Variants in PRDM16 observed in about 807,000 individuals in gnomAD.
The protein encoded by PRDM16 is histone-lysine N-methyltransferase PRDM16.
PRDM16 carries 23 observed loss-of-function variants against 110.6 expected under a neutral mutation model. The observed-to-expected ratio is 0.21, with a 90% CI of 0.15 to 0.29. The LOEUF (loss-of-function observed/expected upper bound fraction) is 0.29. Ranked by LOEUF, PRDM16 falls within the 10% of genes least tolerant of loss-of-function variation. The pLI is 1.00. For synonymous variants in PRDM16, 799 were observed against 781.8 expected, an observed-to-expected ratio of 1.02 and a Z score of -0.37; for missense variants, 1,615 against 1,794.3, an observed-to-expected ratio of 0.90 and a Z score of 1.81.
intron 3 of PRDM16, among the ~76,000 whole-genome samples, chr1:3,329,245 C>T (rs564237017): frequency 9.8e-5 from 15 of 152,312 alleles, no homozygotes; most frequent in Admixed American, 2.0e-4. Flanking sequence ...TTCGTGGTGG[C>T]GTTCCAGATG....
At chr1:3,132,178 A>G (rs35360783) in intron 1 of PRDM16, among the ~76,000 whole-genome samples, 29,924 of 152,030 alleles carry the variant, frequency 0.2, 3,117 homozygotes, top group East Asian at 0.3. Flanking sequence ...CTGCACAGGC[A>G]AATTTGGAAC....
At chr1:3,292,628 T>G (rs1284769173) in intron 3 of PRDM16, among the ~76,000 whole-genome samples, 7 of 151,760 alleles carry the variant, frequency 4.6e-5, no homozygotes, top group African/African-American at 1.7e-4. Flanking sequence ...GAAAGGACGG[T>G]CTGCCTGCTC....
At position 3,157,616 on chromosome 1, in the gene PRDM16, T is replaced by C. The variant is rs1378929791; in HGVS notation, c.38-28509T>C. Reference sequence around the variant, plus strand: ...GGGAATTACAGGGAAAGTGGACCTGTCGGCTCTGTTCATGGACAGTATGGT... The same window carrying C: ...GGGAATTACAGGGAAAGTGGACCTGCCGGCTCTGTTCATGGACAGTATGGT... On this transcript the variant is annotated intron_variant, in intron 1 of 16. Transcript: ENST00000270722. This position sits in a 1 kb window ranked among gnomAD's most constrained non-coding sequence, Gnocchi z 4.8. Among the ~76,000 whole-genome samples the C allele has an allele frequency of 6.6e-6, 1 of 152,108 alleles. No individual in the cohort carries two copies. Among genetic ancestry groups the C allele is most frequent in the Non-Finnish European group, 1.5e-5 (1 of 68,020 alleles).
At chr1:3,269,044 C>T (rs576851720) in intron 3 of PRDM16, among the ~76,000 whole-genome samples, 5 of 152,354 alleles carry the variant, frequency 3.3e-5, no homozygotes, top group African/African-American at 1.2e-4. Context: ...TGGAGACAGG[C>T]GTCTCGGGCT....
chr1:3,200,964 A>AGAAGAGGAGGAG (rs1638609172), intron 2 of PRDM16, among the ~76,000 whole-genome samples: 1 of 144,796 alleles, frequency 6.9e-6, no homozygotes, highest in Non-Finnish European at 1.5e-5. Context: ...GAGAAGAGGG[A>AGAAGAGGAGGAG]GAAGAGGAGG....
rs142226962 is a variant in PRDM16, at chr1:3,143,452, G to A, written c.38-42673G>A. ...CTTCTTTCTTCTCAGCAAAGCAAAT[G>A]ACATTTGAAACTTTATTATTAGTAT... On this transcript the variant is annotated intron_variant, in intron 1 of 16. Coordinates refer to ENST00000270722, the MANE Select transcript of PRDM16 (RefSeq NM_022114.4). This position sits in a 1 kb window ranked among gnomAD's most constrained non-coding sequence, Gnocchi z 4.5. 2.6e-3 allele frequency among the ~76,000 whole-genome samples: 397 copies of A among 152,228 alleles called. 2 individuals carry two copies. The highest frequency in any genetic ancestry group is 8.8e-3 in the African/African-American group (364 of 41,540).
intron 3 of PRDM16, among the ~76,000 whole-genome samples, chr1:3,377,482 G>A (rs1569612683): frequency 6.6e-6 from 1 of 152,314 alleles, no homozygotes; most frequent in African/African-American, 2.4e-5. Context: ...AAAATGTAAA[G>A]GTTAAGAGAA....
At chr1:3,415,335 A>G (rs1999528) in intron 10 of PRDM16, among the ~76,000 whole-genome samples, 94,486 of 152,222 alleles carry the variant, frequency 0.62, 32,023 homozygotes, top group African/African-American at 0.91. Context: ...CCGCAGCGCC[A>G]TGGGCTGCAC....
chr1:3,304,211 C>T (rs1641263790), intron 3 of PRDM16, among the ~76,000 whole-genome samples: 1 of 149,312 alleles, frequency 6.7e-6, no homozygotes, highest in South Asian at 2.2e-4. Context: ...CAGCCAAGCC[C>T]TGGTGTGCCT....
chr1:3,388,867 A>C (rs1405938275), intron 4 of PRDM16, among the ~76,000 whole-genome samples: 1 of 152,138 alleles, frequency 6.6e-6, no homozygotes, highest in Non-Finnish European at 1.5e-5. Context: ...GTTGCTGTGC[A>C]TTCAGATGGG....
intron 3 of PRDM16, among the ~76,000 whole-genome samples, chr1:3,256,845 C>A (rs549627557): frequency 6.8e-5 from 10 of 147,330 alleles, no homozygotes; most frequent in African/African-American, 9.9e-5. Context: ...CGACAGAGTG[C>A]GACTCCATCT....
At position 3,181,704 on chromosome 1, in the gene PRDM16, G is replaced by GGA. The variant is rs1553141220; in HGVS notation, c.38-4420_38-4419insAG. Among the ~76,000 whole-genome samples the GGA allele has an allele frequency of 3.4e-3, 206 of 60,676 alleles. 2 individuals are homozygous for GGA. The highest frequency in any genetic ancestry group is 0.034 in the East Asian group (48 of 1,422). The allele number at this position is 60,676 out of a possible 152,430, so 39.8% of individuals were successfully genotyped here. On this transcript the variant is annotated intron_variant, in intron 1 of 16. Transcript: ENST00000270722. ...CAGTCTTACACACGGTCTTACACAC[G>GGA]GTCTTACACACGCAGTCTTACACAC... is the stretch of plus-strand genomic sequence containing the variant.
At chr1:3,321,697 GTGC>G (rs1641753572) in intron 3 of PRDM16, among the ~76,000 whole-genome samples, 1 of 151,604 alleles carries the variant, frequency 6.6e-6, no homozygotes, top group Non-Finnish European at 1.5e-5. Flanking sequence ...GCACGTGTGT[GTGC>G]TTTGTGTGGG....
At position 3,385,949 on chromosome 1, in the gene PRDM16, A is replaced by T. The variant is rs950916478; in HGVS notation, c.573+663A>T. ...CACCACCACCAGAACAGGCATCCAG[A>T]CCCACAGGCTGATCAGGGGAGAAGA... On this transcript the variant is annotated intron_variant, in intron 4 of 16. Transcript: ENST00000270722. Among the ~76,000 whole-genome samples, 9 of 152,326 alleles carry T rather than the reference A, an allele frequency of 5.9e-5. No individual in the cohort carries two copies. The South Asian group carries it at 1.9e-3, about 32-fold the overall frequency.
Position 3,148,591 on chromosome 1 carries a change from C to G in PRDM16, c.38-37534C>G, listed in dbSNP as rs944411688. Among the ~76,000 whole-genome samples, 1 of 152,190 alleles carries G rather than the reference C, an allele frequency of 6.6e-6. No individual in the cohort carries two copies. Among genetic ancestry groups the G allele is most frequent in the African/African-American group, 2.4e-5 (1 of 41,446 alleles). ...CAATCCAGGAGATGTCAACTCCTTG[C>G]TGGGACCTCCTTGACGCTCACGGGG... On this transcript the variant is annotated intron_variant, in intron 1 of 16. Transcript: ENST00000270722. The surrounding 1 kb of genome is among the most constrained non-coding windows in gnomAD (Gnocchi z 5.0).
chr1:3,426,342 C>T (rs1259305454), intron 14 of PRDM16, 117 bp downstream of exon 14: 8 of 782,076 alleles, frequency 1.0e-5, no homozygotes, highest in South Asian at 5.7e-5. Flanking sequence ...TCCAGATAGG[C>T]GCAGTGGGGG....
chr1:3,348,930 C>A (rs1642420189), intron 3 of PRDM16, among the ~76,000 whole-genome samples: 1 of 152,136 alleles, frequency 6.6e-6, no homozygotes, highest in African/African-American at 2.4e-5. Context: ...TGATGGGGCA[C>A]CTCACTTTGA....
chr1:3,168,303 T>C (rs1273720034), intron 1 of PRDM16, among the ~76,000 whole-genome samples: 3 of 11,218 alleles, frequency 2.7e-4, no homozygotes, highest in Non-Finnish European at 5.2e-4. Flanking sequence ...GCCCCACCCC[T>C]GCCTCCCAGT....
At chr1:3,248,564 G>A (rs1639847984) in intron 3 of PRDM16, among the ~76,000 whole-genome samples, 1 of 152,218 alleles carries the variant, frequency 6.6e-6, no homozygotes, top group South Asian at 2.1e-4. Context: ...CTAGGGCGAG[G>A]GGCGGGAGTG....
Sources: allele counts gnomAD v4.1 joint callset (sites outside exome capture counted in the v4.1 genomes callset), GRCh38; gene constraint gnomAD v4.1.1; non-coding constraint Gnocchi (gnomAD v3.1); transcripts MANE v1.5; gene names NCBI Gene and HGNC (gene_info 2026-07-23, HGNC 2026-07-21).